FBXO34: variants seen among roughly 807,000 people sequenced by gnomAD.
FBXO34 encodes F-box only protein 34.
FBXO34 carries 12 observed loss-of-function variants against 24.5 expected under a neutral mutation model. The ratio of observed to expected loss-of-function variants is 0.49; its 90% confidence interval spans 0.31 to 0.79. The LOEUF is 0.79. FBXO34 is among the 30% of genes least tolerant of loss of function. The pLI is 0.04. For missense variants in FBXO34, 823 were observed against 857.7 expected (o/e 0.96, Z 0.51); for synonymous variants, 320 against 311.9 (o/e 1.03, Z -0.27).
At chr14:55,296,880 T>C (rs78106119) in intron 1 of FBXO34, among the ~76,000 whole-genome samples, 5,122 of 148,616 alleles carry the variant, frequency 0.034, 138 homozygotes, top group Non-Finnish European at 0.051. Context: ...TAAAAAAATA[T>C]ATTTTATTTC....
Position 55,351,426 on chromosome 14 carries a change from G to T in FBXO34, c.1036G>T (p.Val346Leu). 6.2e-7 allele frequency: 1 copy of T among 1,614,222 alleles called. No homozygotes were observed. The highest frequency in any genetic ancestry group is 8.5e-7 in the Non-Finnish European group (1 of 1,180,026). ...PDTQVNPVGS[V>L]SVDCGPSRAD... ...CACTCAGGTGAATCCTGTGGGGTCT[G>T]TATCTGTGGATTGTGGCCCTTCAAG... Residue 346 changes from valine (V) to leucine (L), a missense_variant, in exon 2 of 2, where the codon GTA becomes TTA. Around this residue, in one of 2 missense-constraint regions of FBXO34, gnomAD observed 693 missense variants for 659.1 expected, o/e 1.05. Coordinates refer to ENST00000313833, the MANE Select transcript of FBXO34 (RefSeq NM_017943.4).
At chr14:55,376,666 T>C in the FBXO34 span, among the ~76,000 whole-genome samples, 2,106 of 152,278 alleles carry the variant, frequency 0.014, 56 homozygotes, top group African/African-American at 0.048. Context: ...GGACGAGGCC[T>C]CCCCTAATGC....
chr14:55,389,839 G>A, the FBXO34 span, among the ~76,000 whole-genome samples: 1 of 152,210 alleles, frequency 6.6e-6, no homozygotes, highest in Non-Finnish European at 1.5e-5. Flanking sequence ...CAAATGGGAA[G>A]TGGCTTAAGG....
In FBXO34 at chr14:55,352,524, T is replaced by C; in HGVS notation, c.2134T>C (p.Ter712GlnextTer18). The stretch of plus-strand genomic sequence containing the variant: ...AGGGACTGAAGCTGAAGAGGAATAC[T>C]AAAGTCCATGTGAGAGGCAACAAAA... ...AKGTEAEEEY[*>Q] The change falls in exon 2 of 2, where the codon TAA (stop) becomes CAA (glutamine). Residue 712 changes from the stop codon to glutamine, a stop_lost. Transcript: ENST00000313833. 1 of 1,596,736 alleles carries C rather than the reference T, an allele frequency of 6.3e-7. No individual in the cohort carries two copies.
At chr14:55,343,923 G>T (rs1048864528) in intron 1 of FBXO34, among the ~76,000 whole-genome samples, 1 of 152,166 alleles carries the variant, frequency 6.6e-6, no homozygotes, top group Non-Finnish European at 1.5e-5. Flanking sequence ...TCATTTTGGG[G>T]AGTGTATACT....
intron 1 of FBXO34, among the ~76,000 whole-genome samples, chr14:55,294,146 C>A (rs549014896): frequency 5.1e-4 from 77 of 152,010 alleles, no homozygotes; most frequent in Non-Finnish European, 9.7e-4. Flanking sequence ...CTTCCTTACC[C>A]TAGTCTGTTT....
chr14:55,316,736 A>G (rs1882943107), intron 1 of FBXO34, among the ~76,000 whole-genome samples: 1 of 151,622 alleles, frequency 6.6e-6, no homozygotes, highest in Non-Finnish European at 1.5e-5. Context: ...AAAAAAAAAA[A>G]AGCCATAAAA....
chr14:55,367,254 C>T (rs1282063334), exon 3 of FBXO34: 1 of 152,220 alleles, frequency 6.6e-6, no homozygotes, highest in Non-Finnish European at 1.5e-5. Flanking sequence ...CCCACTCTTA[C>T]AACTCGTGAG....
intron 1 of FBXO34, chr14:55,298,961 G>T (rs1382663326): frequency 1.8e-5 from 28 of 1,593,168 alleles, no homozygotes; most frequent in Non-Finnish European, 2.1e-5. Context: ...CCAAGAAGGC[G>T]GCCCACGACA....
the FBXO34 span, among the ~76,000 whole-genome samples, chr14:55,390,657 T>C: frequency 2.0e-5 from 3 of 152,304 alleles, no homozygotes; most frequent in African/African-American, 7.2e-5. Flanking sequence ...AGGCGTGAGC[T>C]ACCACGCCTG....
At chr14:55,355,930 G>T (rs1209679495), downstream of FBXO34, among the ~76,000 whole-genome samples, 1 of 152,200 alleles carries the variant, frequency 6.6e-6, no homozygotes, top group Non-Finnish European at 1.5e-5. Flanking sequence ...TTGTCCTCTG[G>T]CCATAGCTGG....
At chr14:55,441,587 C>A in the FBXO34 span, among the ~76,000 whole-genome samples, 1 of 152,088 alleles carries the variant, frequency 6.6e-6, no homozygotes, top group East Asian at 1.9e-4. Context: ...ACTGAGCGTT[C>A]CGTCTAAAGC....
At chr14:55,350,359 A>G in intron 1 of FBXO34, 22 bp from the exon 2 acceptor site, 10 of 1,462,656 alleles carry the variant, frequency 6.8e-6, no homozygotes, top group Non-Finnish European at 9.0e-6. Flanking sequence ...TTCTGAATCA[A>G]ATGTGTATTT....
chr14:55,399,490 ATCAG>A, the FBXO34 span, among the ~76,000 whole-genome samples: 3 of 152,198 alleles, frequency 2.0e-5, no homozygotes, highest in African/African-American at 2.4e-5. Flanking sequence ...CCATAGATTC[ATCAG>A]TCAGTCTATC....
chr14:55,410,343 T>G, the FBXO34 span, among the ~76,000 whole-genome samples: 8 of 152,194 alleles, frequency 5.3e-5, no homozygotes, highest in Non-Finnish European at 1.5e-5. Context: ...GTAAAACGTG[T>G]AGACAGACAA....
At chr14:55,397,804 C>T in the FBXO34 span, among the ~76,000 whole-genome samples, 1 of 152,098 alleles carries the variant, frequency 6.6e-6, no homozygotes, top group African/African-American at 2.4e-5. Context: ...CAATCCTGCT[C>T]TCTCCTATAA....
At chr14:55,384,886 G>T in the FBXO34 span, among the ~76,000 whole-genome samples, 1 of 152,200 alleles carries the variant, frequency 6.6e-6, no homozygotes, top group Non-Finnish European at 1.5e-5. Context: ...GAAGTTTAAA[G>T]ATATAGAAAT....
the FBXO34 span, chr14:55,414,478 A>G: frequency 1.3e-6 from 2 of 1,507,346 alleles, no homozygotes; most frequent in African/African-American, 1.4e-5. Context: ...CCAGGTTTAT[A>G]TAATTTTTAA....
chr14:55,372,909 C>A (rs145412109), downstream of FBXO34, among the ~76,000 whole-genome samples: 1 of 152,136 alleles, frequency 6.6e-6, no homozygotes, highest in Non-Finnish European at 1.5e-5. Context: ...CAGCTAAGTA[C>A]AATGAAAAGC....
Sources: allele counts gnomAD v4.1 joint callset (sites outside exome capture counted in the v4.1 genomes callset), GRCh38; gene constraint gnomAD v4.1.1; regional missense constraint gnomAD v4.1.1; transcripts MANE v1.5; gene names NCBI Gene and HGNC (gene_info 2026-07-23, HGNC 2026-07-21).